Variants in TIMD4 observed in about 807,000 individuals in gnomAD.
TIMD4 encodes T cell immunoglobulin and mucin domain containing 4, also known as T-cell immunoglobulin and mucin domain-containing protein 4.
TIMD4 carries 31 observed loss-of-function variants against 41.2 expected under a neutral mutation model. The observed-to-expected ratio is 0.75, with a 90% CI of 0.57 to 1.01. The LOEUF is 1.01. Among genes scored for constraint, TIMD4 ranks in the 50% least tolerant of loss-of-function variants. TIMD4 has a pLI of 0.00. For synonymous variants in TIMD4, 204 were observed against 177.1 expected (o/e 1.15, Z -1.21); for missense variants, 479 against 472.5 (o/e 1.01, Z -0.13).
At position 156,922,231 on chromosome 5, in the gene TIMD4, G is replaced by A; in HGVS notation, c.895-15C>T. ...ATTCCATCCATCTGATGGGACACAG[G>A]CAAGGAGATGGACCCAGTCACTGCT... On this transcript the variant is annotated splice_polypyrimidine_tract_variant and intron_variant, in intron 6 of 8. Transcript: ENST00000274532. 2 of 1,594,526 alleles carry A rather than the reference G, an allele frequency of 1.3e-6. No individual in the cohort carries two copies. Among genetic ancestry groups the A allele is most frequent in the East Asian group, 2.2e-5 (1 of 44,778 alleles).
rs754397812 is a variant in TIMD4 at position 156,954,775 on chromosome 5, A to C, written c.59-19T>G. On this transcript the variant is annotated intron_variant, in intron 1 of 8. Coordinates refer to ENST00000274532, the MANE Select transcript of TIMD4 (RefSeq NM_138379.3). The stretch of plus-strand genomic sequence containing the variant: ...ACTGGTGCTGCAAGGAAAAATGCGA[A>C]ATTTAGGTCATGCAGTACTGAAATC... 1 of 1,580,350 alleles carries C rather than the reference A, an allele frequency of 6.3e-7. No homozygotes were observed. The highest frequency in any genetic ancestry group is 8.6e-7 in the Non-Finnish European group (1 of 1,162,172).
intron 2 of TIMD4, among the ~76,000 whole-genome samples, chr5:156,952,472 C>G (rs939461987): frequency 6.6e-6 from 1 of 152,100 alleles, no homozygotes; most frequent in African/African-American, 2.4e-5. Flanking sequence ...CCCGCTATCA[C>G]TTTTTCCCAC....
chr5:156,954,156 T>C (rs1411049269), intron 2 of TIMD4, among the ~76,000 whole-genome samples: 1 of 152,160 alleles, frequency 6.6e-6, no homozygotes, highest in Non-Finnish European at 1.5e-5. Context: ...ATCTGCAAGG[T>C]GGTAATCCCC....
chr5:156,926,188 G>T, intron 6 of TIMD4, 75 bp downstream of exon 6: 1 of 1,497,074 alleles, frequency 6.7e-7, no homozygotes. Context: ...ATAGGCATGA[G>T]CCACCGTGCC....
intron 5 of TIMD4, among the ~76,000 whole-genome samples, chr5:156,933,939 ATTAAT>A (rs745520221): frequency 6.6e-6 from 1 of 152,182 alleles, no homozygotes; most frequent in Non-Finnish European, 1.5e-5. Flanking sequence ...GTATCAAGGA[ATTAAT>A]TTAATTGTAA....
intron 5 of TIMD4, among the ~76,000 whole-genome samples, chr5:156,933,662 G>T (rs1186979286): frequency 1.3e-5 from 2 of 152,060 alleles, no homozygotes; most frequent in Admixed American, 1.3e-4. Context: ...CCACCTCCCA[G>T]GTTCAAGCGA....
intron 1 of TIMD4, among the ~76,000 whole-genome samples, chr5:156,959,119 G>A (rs1019847874): frequency 7.9e-5 from 12 of 152,172 alleles, no homozygotes; most frequent in African/African-American, 2.7e-4. Context: ...GCAGTCCAAA[G>A]GGCATTTGGC....
At chr5:156,922,932 TTA>T (rs1759275642) in intron 6 of TIMD4, among the ~76,000 whole-genome samples, 1 of 152,212 alleles carries the variant, frequency 6.6e-6, no homozygotes, top group African/African-American at 2.4e-5. Context: ...ATAAAACATG[TTA>T]TGTTAGCACA....
At chr5:156,931,498 A>T (rs555278656) in intron 5 of TIMD4, among the ~76,000 whole-genome samples, 16 of 152,240 alleles carry the variant, frequency 1.1e-4, no homozygotes, top group Admixed American at 6.5e-5. Context: ...AACAATCTTA[A>T]CATTAACTCC....
chr5:156,921,926 T>C (rs1200632814), intron 7 of TIMD4, among the ~76,000 whole-genome samples, 173 bp downstream of exon 7: 1 of 152,150 alleles, frequency 6.6e-6, no homozygotes, highest in Non-Finnish European at 1.5e-5. Flanking sequence ...ACAGAGTCAT[T>C]AGCAGCTTGG....
At position 156,961,241 on chromosome 5, in the gene TIMD4, CGAGGACGCAAAGAAA is replaced by C. The variant is rs556523874; in HGVS notation, c.58+1885_58+1899del. ...AAAGACAAAAAGCAAGCATTGCTGGCGAGGACGCAAAGAAAGAGGAACTCTCGTACGCTGTTGGTG... is the reference window on the plus strand; with the variant it reads ...AAAGACAAAAAGCAAGCATTGCTGGCGAGGAACTCTCGTACGCTGTTGGTG... On this transcript the variant is annotated intron_variant, in intron 1 of 8. Transcript: ENST00000274532. Among the ~76,000 whole-genome samples, 10 of 152,222 alleles carry C rather than the reference CGAGGACGCAAAGAAA, an allele frequency of 6.6e-5. No individual in the cohort carries two copies. In the South Asian group the frequency reaches 1.9e-3, roughly 28 times the overall value.
chr5:156,929,885 G>A (rs1759415970), intron 5 of TIMD4, among the ~76,000 whole-genome samples: 1 of 152,194 alleles, frequency 6.6e-6, no homozygotes, highest in Non-Finnish European at 1.5e-5. Context: ...CAGGTAAGAA[G>A]ACTAAATCCA....
intron 5 of TIMD4, among the ~76,000 whole-genome samples, chr5:156,941,247 T>C (rs912176775): frequency 1.7e-4 from 26 of 151,882 alleles, no homozygotes; most frequent in African/African-American, 4.4e-4. Context: ...GCTGACCTTC[T>C]CTCCACTATT....
intron 5 of TIMD4, among the ~76,000 whole-genome samples, chr5:156,930,873 T>C (rs1425395311): frequency 6.6e-6 from 1 of 152,178 alleles, no homozygotes; most frequent in African/African-American, 2.4e-5. Context: ...TGTCCTAATC[T>C]TCAGAAACTG....
chr5:156,962,896 T>C (rs185127094), intron 1 of TIMD4, among the ~76,000 whole-genome samples: 9 of 152,320 alleles, frequency 5.9e-5, no homozygotes, highest in African/African-American at 1.7e-4. Flanking sequence ...TCTTCTTCAG[T>C]TGCTGTTTCC....
intron 1 of TIMD4, among the ~76,000 whole-genome samples, chr5:156,956,281 C>A (rs76589399): frequency 6.6e-6 from 1 of 151,806 alleles, no homozygotes; most frequent in Admixed American, 6.6e-5. Context: ...TTTTTGTTAA[C>A]GTTAGAGCTA....
At position 156,929,730 on chromosome 5, in the gene TIMD4, A is replaced by G. The variant is rs892866008; in HGVS notation, c.845-3418T>C. Among the ~76,000 whole-genome samples, 3 of 152,138 alleles carry G rather than the reference A, an allele frequency of 2.0e-5. No individual in the cohort carries two copies. In the South Asian group the frequency reaches 6.2e-4, roughly 32 times the overall value. ...GCCCTCCAGAACTGAGAGAGAATGA[A>G]AATTTCCGTGGTTTTAAGTTTGTGG... On this transcript the variant is annotated intron_variant, in intron 5 of 8. Coordinates refer to ENST00000274532, the MANE Select transcript of TIMD4 (RefSeq NM_138379.3).
chr5:156,945,138 T>G (rs1418179165), intron 5 of TIMD4, among the ~76,000 whole-genome samples: 1 of 152,182 alleles, frequency 6.6e-6, no homozygotes, highest in African/African-American at 2.4e-5. Context: ...TGAATGAAGA[T>G]GTAGTCTTAT....
intron 6 of TIMD4, chr5:156,924,437 T>A: frequency 2.1e-6 from 1 of 482,228 alleles, no homozygotes; most frequent in African/African-American, 2.0e-5. Flanking sequence ...AAAATGCACC[T>A]GCTGGATTTT....
Sources: gnomAD v4.1 joint callset for allele counts (sites outside exome capture counted in the v4.1 genomes callset) on GRCh38, gnomAD v4.1.1 for gene constraint, MANE v1.5 for transcripts, NCBI Gene and HGNC (gene_info 2026-07-23, HGNC 2026-07-21) for gene names.